KCNQ1: variants seen among roughly 807,000 people sequenced by gnomAD.
KCNQ1 encodes the protein potassium voltage-gated channel subfamily Q member 1.
A neutral mutation model predicts 72.4 loss-of-function variants in KCNQ1; 49 were observed. The ratio of observed to expected loss-of-function variants is 0.68; its 90% CI spans 0.54 to 0.86. The LOEUF (loss-of-function observed/expected upper bound fraction) is 0.86, where lower values mean the gene tolerates loss of function less well. Ranked by LOEUF, KCNQ1 falls within the 40% of genes least tolerant of loss-of-function variation. KCNQ1 has a pLI of 0.00. For missense variants in KCNQ1, 790 were observed against 945.1 expected (o/e 0.84, Z 2.15); for synonymous variants, 450 against 412.6 (o/e 1.09, Z -1.10).
rs1476626728 is a variant in KCNQ1, at chr11:2,754,259, G to A, written c.1515-14585G>A. 2.0e-5 allele frequency among the ~76,000 whole-genome samples: 3 copies of A among 152,234 alleles called. No individual in the cohort carries two copies. The East Asian group carries it at 5.8e-4, about 29-fold the overall frequency. On this transcript the variant is annotated intron_variant, in intron 11 of 15. Transcript: ENST00000155840. The stretch of plus-strand genomic sequence containing the variant: ...GGAGGGGTGTGCCCATTGCATGTCT[G>A]TGTGTTCCCATGCAGTGGGCACAGG...
chr11:2,806,895 G>T (rs1847384085), intron 15 of KCNQ1, among the ~76,000 whole-genome samples: 1 of 152,138 alleles, frequency 6.6e-6, no homozygotes, highest in African/African-American at 2.4e-5. Flanking sequence ...CCACTCTCAG[G>T]CCAGCCCGAG....
At chr11:2,575,328 C>T (rs899715280) in intron 6 of KCNQ1, among the ~76,000 whole-genome samples, 3 of 152,152 alleles carry the variant, frequency 2.0e-5, no homozygotes, top group African/African-American at 4.8e-5. Context: ...CTGGCCTGGC[C>T]ATTGTTCCCG....
intron 11 of KCNQ1, chr11:2,688,950 C>T (rs1242255906): frequency 2.5e-6 from 1 of 398,732 alleles, no homozygotes; most frequent in Non-Finnish European, 4.4e-6. Flanking sequence ...ACCCACTGGG[C>T]CTAGGGCTCT....
rs142609340 is a variant in KCNQ1 at position 2,447,522 on chromosome 11, C to T, written c.386+2038C>T. ...TGGCTTGGTGGGGGCCTGGGAGATG[C>T]GCTCCCACCCTCAGTGCCCTAGGAG... is the stretch of plus-strand genomic sequence containing the variant. On this transcript the variant is annotated intron_variant, in intron 1 of 15. Transcript: ENST00000155840. This position sits in a 1 kb window ranked among gnomAD's most constrained non-coding sequence, Gnocchi z 7.6. Among the ~76,000 whole-genome samples the T allele has an allele frequency of 1.8e-4, 28 of 152,154 alleles. No individual in the cohort carries two copies. The highest frequency in any genetic ancestry group is 3.9e-4 in the East Asian group (2 of 5,162).
At chr11:2,847,648 T>A (rs3852520) in intron 15 of KCNQ1, 119 bp from the exon 16 acceptor site, 2 of 912,212 alleles carry the variant, frequency 2.2e-6, no homozygotes, top group Non-Finnish European at 3.4e-6. Context: ...GCATACAGCA[T>A]GCACTTGCAG....
intron 10 of KCNQ1, chr11:2,643,371 T>C (rs1849609297): frequency 2.5e-6 from 1 of 398,420 alleles, no homozygotes; most frequent in Admixed American, 4.4e-5. Context: ...AGAATTGTTA[T>C]ATCCTCTTGG....
rs1848834458 is a variant in KCNQ1, at chr11:2,603,414, T to C, written c.1393+14560T>C. Among the ~76,000 whole-genome samples, 1 of 152,126 alleles carries C rather than the reference T, an allele frequency of 6.6e-6. No homozygotes were observed. The highest frequency in any genetic ancestry group is 2.1e-4 in the South Asian group (1 of 4,830). On this transcript the variant is annotated intron_variant, in intron 10 of 15. Coordinates refer to ENST00000155840, the MANE Select transcript of KCNQ1 (RefSeq NM_000218.3). The surrounding 1 kb of genome is among the most constrained non-coding windows in gnomAD (Gnocchi z 4.1). ...TTTTAAAAACACAATATCCACAAAG[T>C]GCAAAAAAGTGAAGTGTGCCTGTGT...
In KCNQ1 at chr11:2,513,949, G is replaced by A. The variant is rs576063131; in HGVS notation, c.387-13979G>A. Among the ~76,000 whole-genome samples the A allele has an allele frequency of 9.2e-5, 14 of 152,308 alleles. No homozygotes were observed. In the South Asian group the frequency reaches 2.9e-3, roughly 32 times the overall value. On this transcript the variant is annotated intron_variant, in intron 1 of 15. Coordinates refer to ENST00000155840, the MANE Select transcript of KCNQ1 (RefSeq NM_000218.3). ...CCGGCCTGCAAGGTGTGTGCATGGG[G>A]CCTGTCCCATGCTGGCTCACCCAGC... is the stretch of plus-strand genomic sequence containing the variant.
In KCNQ1 at chr11:2,770,590, C is replaced by T. The variant is rs117633482; in HGVS notation, c.1590+1671C>T. On this transcript the variant is annotated intron_variant, in intron 12 of 15. Transcript: ENST00000155840. ...CATCCCCCCAGGGAAGGGGGTGGTT[C>T]ATGACTCAACTGAACCAAGTTGTGT... Among the ~76,000 whole-genome samples the T allele has an allele frequency of 1.5e-3, 225 of 152,366 alleles. 1 individual carries two copies. In the East Asian group the frequency reaches 0.036, roughly 24 times the overall value.
At chr11:2,648,806 G>T in intron 10 of KCNQ1, 1 of 398,420 alleles carries the variant, frequency 2.5e-6, no homozygotes, top group East Asian at 3.6e-5. Context: ...AGTATGAAAT[G>T]TTGCCATCCC....
In KCNQ1 at chr11:2,690,863, G is replaced by A. The variant is rs976157860; in HGVS notation, c.1514+28782G>A. ...ACTGTTAGGAACAGGTACCTTTAGG[G>A]ACACAGGAGTGTAAGCCACTGTTTC... is the stretch of plus-strand genomic sequence containing the variant. On this transcript the variant is annotated intron_variant, in intron 11 of 15. Coordinates refer to ENST00000155840, the MANE Select transcript of KCNQ1 (RefSeq NM_000218.3). This position sits in a 1 kb window ranked among gnomAD's most constrained non-coding sequence, Gnocchi z 5.1. 2 of 398,496 alleles carry A rather than the reference G, an allele frequency of 5.0e-6. No homozygotes were observed. Among genetic ancestry groups the A allele is most frequent in the African/African-American group, 4.1e-5 (2 of 48,622 alleles). 24.7% of individuals were successfully genotyped at this position (398,496 alleles called of 1,614,324 possible).
chr11:2,640,407 C>T (rs1200479555), intron 10 of KCNQ1: 1 of 398,446 alleles, frequency 2.5e-6, no homozygotes, highest in Non-Finnish European at 4.4e-6. Flanking sequence ...ATCCTTGACC[C>T]CTCAAGTAGC....
chr11:2,568,609 T>C (rs1848281139), intron 2 of KCNQ1, among the ~76,000 whole-genome samples: 1 of 152,272 alleles, frequency 6.6e-6, no homozygotes, highest in Non-Finnish European at 1.5e-5. Context: ...CAGAGAGCCC[T>C]AGGCCGGCTC....
Position 2,592,253 on chromosome 11 carries a change from A to G in KCNQ1, c.1393+3399A>G, listed in dbSNP as rs1848680365. ...ACGGAAGGCCAGGGCCATGTGGGGA[A>G]CTCCTGAGGACACCTGTGTGTCCTG... On this transcript the variant is annotated intron_variant, in intron 10 of 15. Transcript: ENST00000155840. This position sits in a 1 kb window ranked among gnomAD's most constrained non-coding sequence, Gnocchi z 5.2. 6.6e-6 allele frequency among the ~76,000 whole-genome samples: 1 copy of G among 151,970 alleles called. No homozygotes were observed. The highest frequency in any genetic ancestry group is 2.4e-5 in the African/African-American group (1 of 41,376).
rs77767788 is a variant in KCNQ1, at chr11:2,525,846, G to T, written c.387-2082G>T. On this transcript the variant is annotated intron_variant, in intron 1 of 15. Transcript: ENST00000155840. ...TAAATGAAGGAAGTCCCACGGGGCT[G>T]ATCACCTACTGTGCACCAGGCTGCG... is the stretch of plus-strand genomic sequence containing the variant. Among the ~76,000 whole-genome samples, 83 of 152,326 alleles carry T rather than the reference G, an allele frequency of 5.4e-4. 1 individual carries two copies. The highest frequency in any genetic ancestry group is 1.1e-3 in the Non-Finnish European group (72 of 68,032).
rs2133803795 is a variant in KCNQ1, at chr11:2,620,795, G to A, written c.1393+31941G>A. ...CTTAGCACAGTGGCTGAACTAATTTGTATTCCTGCCAACAGTGTATAAGCG... is the reference window on the plus strand; with the variant it reads ...CTTAGCACAGTGGCTGAACTAATTTATATTCCTGCCAACAGTGTATAAGCG... On this transcript the variant is annotated intron_variant, in intron 10 of 15. Transcript: ENST00000155840. This position sits in a 1 kb window ranked among gnomAD's most constrained non-coding sequence, Gnocchi z 4.5. The A allele has an allele frequency of 2.5e-6, 1 of 398,560 alleles. No individual in the cohort carries two copies. The highest frequency in any genetic ancestry group is 1.3e-4 in the South Asian group (1 of 7,858). The allele number at this position is 398,560 out of a possible 1,614,324, so 24.7% of individuals were successfully genotyped here. A position where few individuals can be genotyped will look rare whatever the true frequency, so the allele number is the denominator to read the frequency against.
chr11:2,626,106 C>A lies in KCNQ1; in HGVS notation c.1394-35855C>A, dbSNP rs977494119. 12 of 398,298 alleles carry A rather than the reference C, an allele frequency of 3.0e-5. No homozygotes were observed. In the South Asian group the frequency reaches 6.4e-4, roughly 21 times the overall value. 24.7% of individuals were successfully genotyped at this position (398,298 alleles called of 1,614,324 possible). A position where few individuals can be genotyped will look rare whatever the true frequency, so the allele number is the denominator to read the frequency against. ...AATTTATCTATTTTTACTTTTATTG[C>A]CTGTGCCTTTGGTGTCGCATACAAG... On this transcript the variant is annotated intron_variant, in intron 10 of 15. Transcript: ENST00000155840. The surrounding 1 kb of genome is among the most constrained non-coding windows in gnomAD (Gnocchi z 4.0).
intron 11 of KCNQ1, chr11:2,685,564 T>G: frequency 2.5e-6 from 1 of 398,666 alleles, no homozygotes; most frequent in Admixed American, 4.4e-5. Context: ...CTACAGCTCT[T>G]GGCCCTTCCA....
At position 2,748,521 on chromosome 11, in the gene KCNQ1, G is replaced by C. The variant is rs1182138633; in HGVS notation, c.1515-20323G>C. Among the ~76,000 whole-genome samples, 1 of 152,204 alleles carries C rather than the reference G, an allele frequency of 6.6e-6. No individual in the cohort carries two copies. The highest frequency in any genetic ancestry group is 1.5e-5 in the Non-Finnish European group (1 of 68,030). On this transcript the variant is annotated intron_variant, in intron 11 of 15. Transcript: ENST00000155840. The surrounding 1 kb of genome is among the most constrained non-coding windows in gnomAD (Gnocchi z 6.2). ...CCAGGTGAGCCCGAGGGCCCAGCTG[G>C]GCGTCCACGTGGAGGTGTGGGGCCC...
Sources: gnomAD v4.1 joint callset for allele counts (sites outside exome capture counted in the v4.1 genomes callset) on GRCh38, gnomAD v4.1.1 for gene constraint, Gnocchi (gnomAD v3.1) non-coding constraint, MANE v1.5 for transcripts, NCBI Gene and HGNC (gene_info 2026-07-23, HGNC 2026-07-21) for gene names.